The following PPP2R3C variants were observed in gnomAD, a reference collection of about 807,000 sequenced individuals.
The protein encoded by PPP2R3C is protein phosphatase 2 regulatory subunit B''gamma.
A neutral mutation model predicts 63.7 loss-of-function variants in PPP2R3C; 47 were observed. The observed-to-expected ratio is 0.74, with a 90% CI of 0.58 to 0.94. The LOEUF (loss-of-function observed/expected upper bound fraction) is 0.94, where lower values mean the gene tolerates loss of function less well. Ranked by LOEUF, PPP2R3C falls within the 40% of genes least tolerant of loss-of-function variation. The pLI is 0.00. For missense variants in PPP2R3C, 421 were observed against 518.4 expected, an observed-to-expected ratio of 0.81 and a Z score of 1.82; for synonymous variants, 180 against 177.4, an observed-to-expected ratio of 1.01 and a Z score of -0.12.
intron 4 of PPP2R3C, among the ~76,000 whole-genome samples, chr14:35,109,298 G>A (rs1038724274): frequency 3.9e-5 from 6 of 151,958 alleles, no homozygotes; most frequent in East Asian, 1.9e-4. Context: ...CTCGTGATCC[G>A]CTCACCTCAG....
intron 10 of PPP2R3C, among the ~76,000 whole-genome samples, chr14:35,092,940 C>T (rs2045870888): frequency 6.6e-6 from 1 of 151,996 alleles, no homozygotes; most frequent in African/African-American, 2.4e-5. Flanking sequence ...AACAGAAAGC[C>T]TTCCCTATAA....
At chr14:35,107,612 G>T in intron 5 of PPP2R3C, 1 of 472,526 alleles carries the variant, frequency 2.1e-6, no homozygotes, top group Non-Finnish European at 3.8e-6. Context: ...ATTAAACTTG[G>T]TGTTCCACCA....
intron 1 of PPP2R3C, among the ~76,000 whole-genome samples, chr14:35,121,292 G>A (rs1322580151): frequency 3.9e-5 from 6 of 151,974 alleles, no homozygotes; most frequent in Non-Finnish European, 1.5e-5. Context: ...CAGAAGAACC[G>A]CTTGAACCCG....
chr14:35,098,088 A>G (rs571465037), intron 7 of PPP2R3C, among the ~76,000 whole-genome samples: 1 of 152,302 alleles, frequency 6.6e-6, no homozygotes, highest in South Asian at 2.1e-4. Flanking sequence ...TATTTTGTAA[A>G]ATTTGAAAAA....
intron 10 of PPP2R3C, among the ~76,000 whole-genome samples, chr14:35,094,172 A>T (rs570776281): frequency 1.3e-5 from 2 of 152,178 alleles, no homozygotes; most frequent in African/African-American, 4.8e-5. Flanking sequence ...ATAATTTACT[A>T]ATGTTTCAGC....
intron 10 of PPP2R3C, among the ~76,000 whole-genome samples, chr14:35,093,563 T>C (rs902134387): frequency 1.3e-5 from 2 of 151,982 alleles, no homozygotes; most frequent in Non-Finnish European, 2.9e-5. Flanking sequence ...AAACTGCTAT[T>C]GAAGCTAAAT....
At chr14:35,088,563 T>C (rs1228050740) in intron 11 of PPP2R3C, among the ~76,000 whole-genome samples, 1 of 152,240 alleles carries the variant, frequency 6.6e-6, no homozygotes, top group African/African-American at 2.4e-5. Context: ...AGGTGAGCAT[T>C]ATTCACTGGA....
chr14:35,110,757 C>T (rs537749457), intron 2 of PPP2R3C, 128 bp from the exon 3 acceptor site: 1 of 619,686 alleles, frequency 1.6e-6, no homozygotes, highest in South Asian at 2.1e-5. Flanking sequence ...CTTAATTGTG[C>T]TTAACATTTG....
At chr14:35,115,101 G>A (rs915154140) in intron 2 of PPP2R3C, among the ~76,000 whole-genome samples, 1 of 151,504 alleles carries the variant, frequency 6.6e-6, no homozygotes. Context: ...TCTCAGAGTA[G>A]CTGGGACTAC....
At chr14:35,108,569 TTTATATTGTA>T (rs764258548) in intron 4 of PPP2R3C, among the ~76,000 whole-genome samples, 64 of 152,066 alleles carry the variant, frequency 4.2e-4, no homozygotes, top group Admixed American at 8.5e-4. Context: ...GTATTGGGTA[TTTATATTGTA>T]TTATATTGTA....
intron 6 of PPP2R3C, 194 bp from the exon 7 acceptor site, chr14:35,099,578 T>C: frequency 6.6e-6 from 4 of 606,258 alleles, no homozygotes; most frequent in Non-Finnish European, 1.0e-5. Context: ...AGTAGTAAAT[T>C]CTACATAGTT....
intron 7 of PPP2R3C, 28 bp downstream of exon 7, chr14:35,099,224 A>G: frequency 6.6e-7 from 1 of 1,524,662 alleles, no homozygotes; most frequent in Non-Finnish European, 8.7e-7. Flanking sequence ...TCCTCATAAT[A>G]TCTAAGTTAG....
chr14:35,095,607 A>C (rs978221261), intron 9 of PPP2R3C, among the ~76,000 whole-genome samples: 1 of 151,678 alleles, frequency 6.6e-6, no homozygotes, highest in Non-Finnish European at 1.5e-5. Context: ...TGGGAGGCTG[A>C]GGAGGGCAGA....
rs189286618 is a variant in PPP2R3C, at chr14:35,092,553, G to A, written c.976-1346C>T. ...GCGATCCTGGCTCACCACAACCTCT[G>A]CCTCCCAGGTTCAAGTCATTCTCCT... On this transcript the variant is annotated intron_variant, in intron 10 of 12. Transcript: ENST00000261475. Among the ~76,000 whole-genome samples, 6 of 151,994 alleles carry A rather than the reference G, an allele frequency of 3.9e-5. No individual in the cohort carries two copies. In the East Asian group the frequency reaches 7.7e-4, roughly 20 times the overall value.
At chr14:35,093,593 C>T (rs942102054) in intron 10 of PPP2R3C, among the ~76,000 whole-genome samples, 6 of 152,090 alleles carry the variant, frequency 3.9e-5, no homozygotes, top group African/African-American at 1.4e-4. Context: ...AAGACCCCCC[C>T]ATTCTCATGA....
chr14:35,110,337 A>C lies in PPP2R3C; in HGVS notation c.291+188T>G, dbSNP rs573233436. The C allele has an allele frequency of 1.1e-5, 6 of 527,896 alleles. No homozygotes were observed. The East Asian group carries it at 1.9e-4, about 17-fold the overall frequency. 32.7% of individuals were successfully genotyped at this position (527,896 alleles called of 1,614,324 possible). A position where few individuals can be genotyped will look rare whatever the true frequency, so the allele number is the denominator to read the frequency against. ...GGGCCTTAAACAAAAATAACAAACAACACTATGTTTGGGGTACATGACCCA... is the reference window on the plus strand; with the variant it reads ...GGGCCTTAAACAAAAATAACAAACACCACTATGTTTGGGGTACATGACCCA... On this transcript the variant is annotated intron_variant, in intron 3 of 12. Transcript: ENST00000261475.
chr14:35,113,578 T>C (rs2046626814), intron 2 of PPP2R3C, among the ~76,000 whole-genome samples: 1 of 152,114 alleles, frequency 6.6e-6, no homozygotes, highest in African/African-American at 2.4e-5. Context: ...TCACTCCCAC[T>C]ATGGCACTCT....
intron 11 of PPP2R3C, among the ~76,000 whole-genome samples, chr14:35,089,080 A>G (rs553865394): frequency 4.6e-5 from 7 of 152,152 alleles, no homozygotes; most frequent in Non-Finnish European, 7.4e-5. Flanking sequence ...AGCCGCTGAT[A>G]TAAGCCCATA....
chr14:35,116,561 T>C (rs1440830225), intron 2 of PPP2R3C, 49 bp downstream of exon 2: 8 of 1,442,360 alleles, frequency 5.5e-6, no homozygotes, highest in Admixed American at 2.4e-5. Flanking sequence ...TGCCAAAAAT[T>C]ATATTTCATT....
Sources: gnomAD v4.1 joint callset for allele counts (sites outside exome capture counted in the v4.1 genomes callset) on GRCh38, gnomAD v4.1.1 for gene constraint, MANE v1.5 for transcripts, NCBI Gene and HGNC (gene_info 2026-07-23, HGNC 2026-07-21) for gene names.